GPC6: variants seen among roughly 807,000 people sequenced by gnomAD.
The protein encoded by GPC6 is glypican-6.
Under a neutral mutation model 55.2 loss-of-function variants are expected in GPC6, and 14 were observed. The observed-to-expected ratio is 0.25, with a 90% confidence interval of 0.17 to 0.40. The LOEUF is 0.40. Among genes scored for constraint, GPC6 ranks in the 10% least tolerant of loss-of-function variants. The pLI is 1.00. For synonymous variants in GPC6, 278 were observed against 259.6 expected, an observed-to-expected ratio of 1.07 and a Z score of -0.68; for missense variants, 641 against 708.5, an observed-to-expected ratio of 0.90 and a Z score of 1.08.
chr13:94,058,263 G>A (rs1884199857), intron 4 of GPC6, among the ~76,000 whole-genome samples: 2 of 152,096 alleles, frequency 1.3e-5, no homozygotes, highest in Admixed American at 6.6e-5. Flanking sequence ...TTTACGGTAC[G>A]GAAATCAAGA....
intron 6 of GPC6, among the ~76,000 whole-genome samples, chr13:94,346,780 G>A (rs1566702901): frequency 6.6e-6 from 1 of 151,856 alleles, no homozygotes; most frequent in Non-Finnish European, 1.5e-5. Context: ...TGGGAGGTAG[G>A]ACACCATGGA....
intron 1 of GPC6, among the ~76,000 whole-genome samples, chr13:93,242,338 C>G (rs542700752): frequency 1.3e-5 from 2 of 152,304 alleles, no homozygotes; most frequent in South Asian, 2.1e-4. Context: ...TATCATCCTC[C>G]TGTCCCAGTG....
chr13:94,023,723 C>A (rs1421703982), intron 3 of GPC6, among the ~76,000 whole-genome samples: 1 of 151,798 alleles, frequency 6.6e-6, no homozygotes, highest in Admixed American at 6.6e-5. Flanking sequence ...TGGAAACAAC[C>A]CAGATATCCT....
intron 2 of GPC6, among the ~76,000 whole-genome samples, chr13:93,624,731 C>A (rs553215220): frequency 7.2e-5 from 11 of 152,276 alleles, no homozygotes; most frequent in African/African-American, 2.6e-4. Context: ...GCCATAAATG[C>A]TTTAAGAAAA....
At chr13:94,245,556 T>G (rs1373074130) in intron 4 of GPC6, among the ~76,000 whole-genome samples, 7 of 151,810 alleles carry the variant, frequency 4.6e-5, no homozygotes, top group Non-Finnish European at 1.0e-4. Flanking sequence ...GGCAAGAGAG[T>G]AAGACCCTCC....
intron 2 of GPC6, among the ~76,000 whole-genome samples, chr13:93,807,151 C>T (rs1374398061): frequency 6.6e-6 from 1 of 152,126 alleles, no homozygotes; most frequent in Non-Finnish European, 1.5e-5. Context: ...TGGAAATGGG[C>T]TTTACACTTC....
chr13:93,921,679 C>A (rs532183111), intron 3 of GPC6, among the ~76,000 whole-genome samples: 1 of 151,360 alleles, frequency 6.6e-6, no homozygotes, highest in Non-Finnish European at 1.5e-5. Context: ...GCTCATGGAG[C>A]CTGGGGCTTG....
At chr13:94,375,136 A>G (rs1879778749) in intron 6 of GPC6, among the ~76,000 whole-genome samples, 1 of 150,924 alleles carries the variant, frequency 6.6e-6, no homozygotes, top group Non-Finnish European at 1.5e-5. Context: ...ACACCCTAAC[A>G]TCACAATTAA....
At chr13:93,723,031 C>T (rs1883503899) in intron 2 of GPC6, among the ~76,000 whole-genome samples, 1 of 151,888 alleles carries the variant, frequency 6.6e-6, no homozygotes, top group African/African-American at 2.4e-5. Flanking sequence ...GGGTTAGTAC[C>T]CCAGCATATA....
intron 3 of GPC6, among the ~76,000 whole-genome samples, chr13:93,957,917 G>A (rs1309841150): frequency 6.6e-6 from 1 of 152,126 alleles, no homozygotes; most frequent in African/African-American, 2.4e-5. Flanking sequence ...TGACCAGTGT[G>A]GGATGGCATC....
At chr13:94,001,313 T>G (rs1881789340) in intron 3 of GPC6, among the ~76,000 whole-genome samples, 1 of 152,202 alleles carries the variant, frequency 6.6e-6, no homozygotes, top group Non-Finnish European at 1.5e-5. Context: ...TTATCTTTAA[T>G]TCAGTATCTT....
rs199562215 is a variant in GPC6 at position 94,266,161 on chromosome 13, T to TTTTG, written c.878-20186_878-20185insTGTT. 1.6e-4 allele frequency among the ~76,000 whole-genome samples: 13 copies of TTTTG among 81,348 alleles called. No homozygotes were observed. In the East Asian group the frequency reaches 4.3e-3, roughly 27 times the overall value. The allele number at this position is 81,348 out of a possible 152,430, so 53.4% of individuals were successfully genotyped here. On this transcript the variant is annotated intron_variant, in intron 4 of 8. Coordinates refer to ENST00000377047, the MANE Select transcript of GPC6 (RefSeq NM_005708.5). ...CTTTACTTTTCTTTTCTTTTTTTTTTTTGTTTGTTTGTTTGTTTGTTTTTT... is the reference window on the plus strand; with the variant it reads ...CTTTACTTTTCTTTTCTTTTTTTTTTTTTGTTGTTTGTTTGTTTGTTTGTTTTTT...
Position 93,416,020 on chromosome 13 carries a change from A to AT in GPC6, c.161-129240dup, listed in dbSNP as rs566635218. 3.3e-5 allele frequency among the ~76,000 whole-genome samples: 5 copies of AT among 152,244 alleles called. No homozygotes were observed. In the South Asian group the frequency reaches 1.0e-3, roughly 32 times the overall value. ...TAGTTTTATATGGTTTAACCTAACA[A>AT]TTTAAGGCTTTGTGAAATTGTCAGG... On this transcript the variant is annotated intron_variant, in intron 1 of 8. Transcript: ENST00000377047.
chr13:93,763,595 C>T (rs1479635072), intron 2 of GPC6, among the ~76,000 whole-genome samples: 1 of 152,210 alleles, frequency 6.6e-6, no homozygotes, highest in Non-Finnish European at 1.5e-5. Flanking sequence ...ATATAGTCCT[C>T]AAAGACATCC....
chr13:93,757,189 C>T (rs1293456693), intron 2 of GPC6, among the ~76,000 whole-genome samples: 2 of 152,072 alleles, frequency 1.3e-5, no homozygotes, highest in Non-Finnish European at 2.9e-5. Flanking sequence ...CCCTACAGGC[C>T]CATGTATGTT....
At chr13:93,825,454 G>T (rs73551711) in intron 2 of GPC6, among the ~76,000 whole-genome samples, 1 of 152,158 alleles carries the variant, frequency 6.6e-6, no homozygotes, top group Admixed American at 6.5e-5. Flanking sequence ...AAGGACAGAC[G>T]TCCTGAGCAA....
intron 4 of GPC6, among the ~76,000 whole-genome samples, chr13:94,070,442 T>A (rs1352574455): frequency 6.6e-6 from 1 of 152,238 alleles, no homozygotes; most frequent in Admixed American, 6.5e-5. Flanking sequence ...CTTTGTTTTT[T>A]GCTGCTTAAA....
chr13:94,002,367 C>G (rs1024091255), intron 3 of GPC6, among the ~76,000 whole-genome samples: 1 of 152,082 alleles, frequency 6.6e-6, no homozygotes, highest in Non-Finnish European at 1.5e-5. Context: ...AACATATTAG[C>G]CAAAGAATAT....
intron 7 of GPC6, among the ~76,000 whole-genome samples, chr13:94,383,258 CA>C (rs1407455160): frequency 6.6e-6 from 1 of 152,112 alleles, no homozygotes; most frequent in Non-Finnish European, 1.5e-5. Context: ...GACACGAGGA[CA>C]GGAATCTGCC....
Sources: gnomAD v4.1 joint callset for allele counts (sites outside exome capture counted in the v4.1 genomes callset) on GRCh38, gnomAD v4.1.1 for gene constraint, MANE v1.5 for transcripts, NCBI Gene and HGNC (gene_info 2026-07-23, HGNC 2026-07-21) for gene names.